The following BIN2 variants were observed in gnomAD, a reference collection of about 807,000 sequenced individuals.
The protein encoded by BIN2 is bridging integrator 2, also known as breast cancer associated protein BRAP1.
Under a neutral mutation model 67.9 loss-of-function variants are expected in BIN2, and 43 were observed. That is an observed-to-expected ratio of 0.63 (90% CI 0.50 to 0.82). The LOEUF (loss-of-function observed/expected upper bound fraction) is 0.82, where lower values mean the gene tolerates loss of function less well. Among genes scored for constraint, BIN2 ranks in the 40% least tolerant of loss-of-function variants. BIN2 has a pLI of 0.00. For missense variants in BIN2, 581 were observed against 671.6 expected (o/e 0.87, Z 1.49); for synonymous variants, 244 against 246.8 (o/e 0.99, Z 0.11).
chr12:51,315,174 A>AT lies in BIN2; in HGVS notation c.82-1272dup, dbSNP rs58775675. ...GGCTGGCATTGTTATTATTATTATT[A>AT]TTTTTTTTTTTTTGAGACGGAGTCT... On this transcript the variant is annotated intron_variant, in intron 1 of 12. Transcript: ENST00000615107. 7.5e-3 allele frequency among the ~76,000 whole-genome samples: 1,103 copies of AT among 146,240 alleles called. 8 individuals are homozygous for AT. Among genetic ancestry groups the AT allele is most frequent in the Non-Finnish European group, 9.0e-3 (593 of 66,200 alleles).
intron 11 of BIN2, 30 bp downstream of exon 11, chr12:51,288,078 C>T: frequency 6.7e-7 from 1 of 1,485,248 alleles, no homozygotes; most frequent in Non-Finnish European, 9.4e-7. Context: ...AATAGGGCAT[C>T]ATCATGTAGA....
intron 2 of BIN2, among the ~76,000 whole-genome samples, chr12:51,305,826 C>CTTTTTTTTT (rs1168899685): frequency 1.7e-4 from 14 of 82,434 alleles, no homozygotes; most frequent in South Asian, 5.3e-4. Context: ...TGTTTTCTTT[C>CTTTTTTTTT]TTTTTTTTTT....
chr12:51,286,348 C>G (rs930398862), intron 11 of BIN2, among the ~76,000 whole-genome samples: 3 of 152,028 alleles, frequency 2.0e-5, no homozygotes, highest in African/African-American at 7.2e-5. Flanking sequence ...TAGCTGATGA[C>G]CAAAGCAATC....
intron 10 of BIN2, among the ~76,000 whole-genome samples, chr12:51,290,522 G>A (rs906947969): frequency 1.3e-5 from 2 of 152,018 alleles, no homozygotes; most frequent in Admixed American, 6.6e-5. Flanking sequence ...CTAGAGATAA[G>A]CCCCTTATAG....
At chr12:51,311,291 C>G (rs1945988094) in intron 2 of BIN2, among the ~76,000 whole-genome samples, 2 of 151,870 alleles carry the variant, frequency 1.3e-5, no homozygotes. Context: ...TCTTAGCAAC[C>G]CTCCCACCTC....
intron 12 of BIN2, among the ~76,000 whole-genome samples, chr12:51,282,089 T>C (rs2137327571): frequency 6.6e-6 from 1 of 152,234 alleles, no homozygotes; most frequent in African/African-American, 2.4e-5. Flanking sequence ...TTTCTCTTCT[T>C]GGATTTTAGA....
At chr12:51,301,924 C>G (rs74093810) in intron 5 of BIN2, 96 bp downstream of exon 5, 1 of 836,412 alleles carries the variant, frequency 1.2e-6, no homozygotes, top group South Asian at 1.6e-5. Context: ...CATTCTTAAT[C>G]GTGAGTTCTA....
chr12:51,320,936 AAC>A (rs1555173084), intron 1 of BIN2, among the ~76,000 whole-genome samples: 2 of 138,730 alleles, frequency 1.4e-5, no homozygotes, highest in Non-Finnish European at 3.1e-5. Flanking sequence ...TCATACTAAA[AAC>A]ACACACACAC....
chr12:51,304,275 A>G (rs959080717), intron 2 of BIN2: 7 of 152,684 alleles, frequency 4.6e-5, no homozygotes, highest in East Asian at 1.9e-4. Flanking sequence ...ACTTTTTCCT[A>G]TTAGTCTTGG....
chr12:51,324,294 G>A, upstream of BIN2: 1 of 1,392,930 alleles, frequency 7.2e-7, no homozygotes, highest in Non-Finnish European at 9.3e-7. Flanking sequence ...CCGGCTCGGA[G>A]GGGCGGGCCC....
Position 51,288,198 on chromosome 12 carries a change from A to C in BIN2, c.1516-10T>G, listed in dbSNP as rs1945290393. The C allele has an allele frequency of 6.2e-7, 1 of 1,612,374 alleles. No individual in the cohort carries two copies. The stretch of plus-strand genomic sequence containing the variant: ...CAGGCTCTGAAGCAACCTGTGAATC[A>C]AAGTGAACAATGGAGGAGAGAGTCC... On this transcript the variant is annotated splice_polypyrimidine_tract_variant and intron_variant, in intron 10 of 12. Transcript: ENST00000615107.
intron 8 of BIN2, 123 bp downstream of exon 8, chr12:51,296,966 T>C (rs1288192654): frequency 4.9e-6 from 4 of 822,518 alleles, no homozygotes; most frequent in Admixed American, 5.2e-5. Flanking sequence ...TATTTCATCA[T>C]GAGAGAAAAG....
intron 2 of BIN2, among the ~76,000 whole-genome samples, chr12:51,313,614 T>G (rs762919907): frequency 6.6e-6 from 1 of 152,084 alleles, no homozygotes; most frequent in African/African-American, 2.4e-5. Context: ...GTGTTGGGAT[T>G]ATAGGGGTGA....
Position 51,292,123 on chromosome 12 carries a change from G to C in BIN2, c.983C>G (p.Ala328Gly). 2 of 1,614,136 alleles carry C rather than the reference G, an allele frequency of 1.2e-6. No individual in the cohort carries two copies. Among genetic ancestry groups the C allele is most frequent in the Non-Finnish European group, 1.7e-6 (2 of 1,180,038 alleles). The change falls in exon 10 of 13, where the codon GCA becomes GGA. Residue 328 changes from alanine (A) to glycine (G), a missense_variant. Coordinates refer to ENST00000615107, the MANE Select transcript of BIN2 (RefSeq NM_016293.4). The part of the protein sequence containing the change: ...EEEIEKEGSE[A>G]SSSEEDEPLP... ...AGGCTCATCTTCCTCAGAGGAGCTT[G>C]CTTCAGATCCTTCCTTCTCTATTTC...
At chr12:51,295,625 TATATA>T (rs1945544374) in intron 9 of BIN2, among the ~76,000 whole-genome samples, 166 bp downstream of exon 9, 1 of 109,310 alleles carries the variant, frequency 9.1e-6, no homozygotes, top group Admixed American at 1.0e-4. Flanking sequence ...TATATATATA[TATATA>T]TTTAGTAAAA....
At chr12:51,287,328 G>GT (rs1001833204) in intron 11 of BIN2, among the ~76,000 whole-genome samples, 12 of 145,490 alleles carry the variant, frequency 8.2e-5, no homozygotes, top group South Asian at 2.2e-4. Context: ...AGGAAAAGTT[G>GT]TTTTTTTTTG....
chr12:51,287,737 C>T (rs1945273345), intron 11 of BIN2, among the ~76,000 whole-genome samples: 1 of 151,826 alleles, frequency 6.6e-6, no homozygotes, highest in Admixed American at 6.6e-5. Flanking sequence ...CTGCAAGCTC[C>T]ACCTCCCGGG....
At chr12:51,313,130 C>T (rs557428187) in intron 2 of BIN2, among the ~76,000 whole-genome samples, 13 of 149,930 alleles carry the variant, frequency 8.7e-5, no homozygotes, top group Admixed American at 7.4e-4. Flanking sequence ...CTCAGCTACT[C>T]GGGAGGCTGA....
intron 9 of BIN2, among the ~76,000 whole-genome samples, chr12:51,294,464 G>A (rs1315877875): frequency 1.3e-5 from 2 of 151,968 alleles, no homozygotes; most frequent in Non-Finnish European, 2.9e-5. Flanking sequence ...CTACTCTGGA[G>A]GCTGAGGCAG....
Sources: gnomAD v4.1 joint callset for allele counts (sites outside exome capture counted in the v4.1 genomes callset) on GRCh38, gnomAD v4.1.1 for gene constraint, MANE v1.5 for transcripts, NCBI Gene and HGNC (gene_info 2026-07-23, HGNC 2026-07-21) for gene names.